SCFD2: variants seen among roughly 807,000 people sequenced by gnomAD.
SCFD2 encodes the protein sec1 family domain containing 2.
A neutral mutation model predicts 58.9 loss-of-function variants in SCFD2; 54 were observed. The observed-to-expected ratio is 0.92, with a 90% CI of 0.74 to 1.15. The LOEUF (loss-of-function observed/expected upper bound fraction) is 1.15. SCFD2 is among the 50% of genes most tolerant of loss of function. The pLI is 0.00. For missense variants in SCFD2, 805 were observed against 836.6 expected (o/e 0.96, Z 0.47); for synonymous variants, 321 against 335.9 (o/e 0.96, Z 0.49).
intron 1 of SCFD2, among the ~76,000 whole-genome samples, chr4:53,355,140 A>G (rs1370150082): frequency 2.0e-5 from 3 of 152,230 alleles, no homozygotes; most frequent in Non-Finnish European, 4.4e-5. Context: ...TAAAATGAGA[A>G]GCAAGCATTG....
At chr4:53,263,331 T>C (rs1038308084) in intron 4 of SCFD2, among the ~76,000 whole-genome samples, 2 of 152,160 alleles carry the variant, frequency 1.3e-5, no homozygotes, top group African/African-American at 4.8e-5. Context: ...CCTTGTTTTG[T>C]CATATTATCA....
At chr4:53,338,515 T>C (rs1733748966) in intron 2 of SCFD2, among the ~76,000 whole-genome samples, 1 of 151,542 alleles carries the variant, frequency 6.6e-6, no homozygotes, top group Non-Finnish European at 1.5e-5. Context: ...GAGAAACAAT[T>C]TAAATGACAG....
chr4:53,107,563 C>A (rs372796794), intron 5 of SCFD2, among the ~76,000 whole-genome samples: 4 of 151,788 alleles, frequency 2.6e-5, no homozygotes, highest in African/African-American at 7.2e-5. Context: ...CAAAAAAAAG[C>A]AGGGGTTGTG....
chr4:52,884,881 C>T (rs966170855), intron 8 of SCFD2, among the ~76,000 whole-genome samples: 6 of 152,150 alleles, frequency 3.9e-5, no homozygotes, highest in Admixed American at 1.3e-4. Flanking sequence ...ATTGACTGAG[C>T]GTTCTGAGCC....
At chr4:53,276,124 A>AT (rs971180040) in intron 3 of SCFD2, among the ~76,000 whole-genome samples, 11 of 150,786 alleles carry the variant, frequency 7.3e-5, no homozygotes, top group African/African-American at 1.5e-4. Flanking sequence ...CTTACTTTTA[A>AT]TTTTTTTTTA....
chr4:53,296,401 CT>C (rs1732032543), intron 3 of SCFD2, among the ~76,000 whole-genome samples: 1 of 152,176 alleles, frequency 6.6e-6, no homozygotes, highest in Admixed American at 6.6e-5. Context: ...TCCATTTCTT[CT>C]ACATTTTCTA....
At chr4:53,256,717 A>G (rs1730648727) in intron 4 of SCFD2, among the ~76,000 whole-genome samples, 1 of 151,860 alleles carries the variant, frequency 6.6e-6, no homozygotes, top group African/African-American at 2.4e-5. Flanking sequence ...TCCACCAAAA[A>G]AATACGAAAA....
At chr4:53,151,705 A>G (rs1458238086) in intron 4 of SCFD2, among the ~76,000 whole-genome samples, 1 of 152,160 alleles carries the variant, frequency 6.6e-6, no homozygotes, top group Non-Finnish European at 1.5e-5. Flanking sequence ...TCTGCAACTC[A>G]TCGTGTTAGT....
chr4:53,115,142 A>G (rs1725284642), intron 5 of SCFD2, among the ~76,000 whole-genome samples: 2 of 152,202 alleles, frequency 1.3e-5, no homozygotes, highest in Non-Finnish European at 2.9e-5. Context: ...ACATTTCAAT[A>G]GTTACAATAA....
intron 5 of SCFD2, among the ~76,000 whole-genome samples, chr4:53,004,223 T>C (rs2148802458): frequency 6.6e-6 from 1 of 152,294 alleles, no homozygotes; most frequent in East Asian, 1.9e-4. Flanking sequence ...AGCTGTAGTC[T>C]AGAGCTGCCC....
intron 5 of SCFD2, among the ~76,000 whole-genome samples, chr4:53,006,570 G>C (rs1458244943): frequency 6.6e-6 from 1 of 152,164 alleles, no homozygotes; most frequent in Non-Finnish European, 1.5e-5. Context: ...GTTATTAATA[G>C]CTTACTTAGT....
chr4:52,945,040 A>C (rs1720388530), intron 5 of SCFD2, among the ~76,000 whole-genome samples: 1 of 152,254 alleles, frequency 6.6e-6, no homozygotes. Flanking sequence ...AAGTGGAAGA[A>C]GCAAGCTGTG....
chr4:53,056,025 G>A (rs914947790), intron 5 of SCFD2, among the ~76,000 whole-genome samples: 6 of 151,956 alleles, frequency 3.9e-5, no homozygotes, highest in Admixed American at 2.0e-4. Context: ...TGTATCCTGG[G>A]CACTTTTACC....
chr4:52,884,059 T>C (rs982199344), intron 8 of SCFD2, among the ~76,000 whole-genome samples: 5 of 152,138 alleles, frequency 3.3e-5, no homozygotes, highest in African/African-American at 1.2e-4. Flanking sequence ...TTGGAGTCAA[T>C]AAACCCCTCA....
chr4:53,142,444 A>G (rs1438362465), intron 5 of SCFD2, among the ~76,000 whole-genome samples: 2 of 152,232 alleles, frequency 1.3e-5, no homozygotes, highest in Admixed American at 6.5e-5. Context: ...AAATTTTGCC[A>G]CTCAGTAACA....
chr4:53,048,553 T>C (rs1406496023), intron 5 of SCFD2, among the ~76,000 whole-genome samples: 4 of 152,076 alleles, frequency 2.6e-5, no homozygotes, highest in East Asian at 1.9e-4. Flanking sequence ...CTAGGAAACA[T>C]AGGGAGACCC....
chr4:53,272,455 T>C (rs1336540771), intron 4 of SCFD2, among the ~76,000 whole-genome samples: 1 of 152,162 alleles, frequency 6.6e-6, no homozygotes, highest in Non-Finnish European at 1.5e-5. Context: ...CCAACCCAAA[T>C]GTCCAACAAT....
At chr4:53,298,525 C>T (rs186104448) in intron 3 of SCFD2, among the ~76,000 whole-genome samples, 2 of 152,284 alleles carry the variant, frequency 1.3e-5, no homozygotes, top group Admixed American at 1.3e-4. Flanking sequence ...GGGGGCAGGG[C>T]TCAGACAAAC....
chr4:53,301,992 A>G (rs2149099352), intron 3 of SCFD2, among the ~76,000 whole-genome samples: 1 of 152,338 alleles, frequency 6.6e-6, no homozygotes, highest in South Asian at 2.1e-4. Flanking sequence ...CACAGCCAGT[A>G]TCATACTGAA....
Sources: allele counts gnomAD v4.1 joint callset (sites outside exome capture counted in the v4.1 genomes callset), GRCh38; gene constraint gnomAD v4.1.1; transcripts MANE v1.5; gene names NCBI Gene and HGNC (gene_info 2026-07-23, HGNC 2026-07-21).